The following ZNF341 variants were observed in gnomAD, a reference collection of about 807,000 sequenced individuals.
The protein encoded by ZNF341 is zinc finger protein 341.
Under a neutral mutation model 87.7 loss-of-function variants are expected in ZNF341, and 52 were observed. The observed-to-expected ratio is 0.59, with a 90% CI of 0.47 to 0.75. ZNF341 has a LOEUF of 0.75. Among genes scored for constraint, ZNF341 ranks in the 30% least tolerant of loss-of-function variants. The pLI, the probability that ZNF341 is intolerant of heterozygous loss-of-function variation, is 0.00. For synonymous variants in ZNF341, 459 were observed against 472.7 expected, an observed-to-expected ratio of 0.97 and a Z score of 0.38; for missense variants, 977 against 1,145.9, an observed-to-expected ratio of 0.85 and a Z score of 2.13.
At chr20:33,779,764 A>C (rs2019704332) in intron 10 of ZNF341, among the ~76,000 whole-genome samples, 1 of 152,164 alleles carries the variant, frequency 6.6e-6, no homozygotes, top group Admixed American at 6.6e-5. Context: ...TGACAATTGT[A>C]AGAATGAGTG....
intron 4 of ZNF341, chr20:33,752,483 C>T (rs2019080506): frequency 3.8e-6 from 2 of 527,558 alleles, no homozygotes; most frequent in African/African-American, 1.9e-5. Flanking sequence ...TCTCAGGTCA[C>T]CACCTCATTG....
intron 10 of ZNF341, among the ~76,000 whole-genome samples, chr20:33,773,379 G>A (rs1019941556): frequency 3.3e-5 from 5 of 152,146 alleles, no homozygotes; most frequent in Non-Finnish European, 5.9e-5. Context: ...GTAGACATTG[G>A]AGCTGTTGTC....
intron 1 of ZNF341, 38 bp from the exon 2 acceptor site, chr20:33,740,864 G>A: frequency 6.3e-7 from 1 of 1,586,118 alleles, no homozygotes; most frequent in Non-Finnish European, 8.7e-7. Flanking sequence ...GCATGATGCT[G>A]GGCCTACCTT....
rs771183385 is a variant in ZNF341, at chr20:33,791,193, C to G, written c.2241C>G (p.Pro747=). The change falls in exon 15 of 15, where the codon CCC becomes CCG. Residue 747 remains proline, a synonymous_variant. Coordinates refer to ENST00000375200, the MANE Select transcript of ZNF341 (RefSeq NM_001282933.2). The part of the protein sequence containing the change: ...KDKDLQTRRP[P]QRRAAPRSCG... Reference sequence around the variant, plus strand: ...AGGACCTGCAAACCCGGCGGCCCCCCCAGAGGAGGGCAGCCCCCCGCAGTT... The same window carrying G: ...AGGACCTGCAAACCCGGCGGCCCCCGCAGAGGAGGGCAGCCCCCCGCAGTT... The G allele has an allele frequency of 3.1e-6, 5 of 1,612,952 alleles. No homozygotes were observed. In the East Asian group the frequency reaches 6.7e-5, roughly 22 times the overall value.
At chr20:33,783,961 T>A in intron 12 of ZNF341, 97 bp downstream of exon 12, 1 of 1,236,556 alleles carries the variant, frequency 8.1e-7, no homozygotes, top group Non-Finnish European at 1.1e-6. Context: ...CATCTGGCTC[T>A]TCTCCCTGTC....
intron 7 of ZNF341, among the ~76,000 whole-genome samples, chr20:33,759,355 G>A (rs913776394): frequency 2.0e-5 from 3 of 152,176 alleles, no homozygotes; most frequent in Non-Finnish European, 2.9e-5. Flanking sequence ...TGCAATCTCG[G>A]CTCACTGCAA....
intron 7 of ZNF341, 54 bp downstream of exon 7, chr20:33,758,860 C>G (rs2019235571): frequency 4.0e-6 from 6 of 1,515,562 alleles, no homozygotes; most frequent in Non-Finnish European, 5.5e-6. Flanking sequence ...CTGGGACCAT[C>G]TGTGCTGGAA....
rs1797845984 is a variant in ZNF341 at position 33,753,188 on chromosome 20, A to G, written c.506A>G (p.His169Arg). The G allele has an allele frequency of 6.2e-7, 1 of 1,611,928 alleles. No individual in the cohort carries two copies. The highest frequency in any genetic ancestry group is 1.3e-5 in the African/African-American group (1 of 74,838). The change falls in exon 5 of 15, where the codon CAT (histidine) becomes CGT (arginine). Residue 169 changes from histidine (H) to arginine (R), a missense_variant. This residue lies in a region of ZNF341 where 515 missense variants were observed against 598.2 expected (regional missense o/e 0.86). Transcript: ENST00000375200. ...PPPVQSSLNM[H>R]SVPSYLTQPP... The stretch of plus-strand genomic sequence containing the variant: ...TGATTTCAGAGCAGCCTGAACATGC[A>G]TTCCGTGCCCAGCTACCTCACCCAG...
At chr20:33,771,797 C>A (rs1362641176) in intron 10 of ZNF341, among the ~76,000 whole-genome samples, 1 of 151,380 alleles carries the variant, frequency 6.6e-6, no homozygotes, top group Non-Finnish European at 1.5e-5. Flanking sequence ...GGGAGGATGG[C>A]TTGAGCCCAG....
intron 1 of ZNF341, among the ~76,000 whole-genome samples, chr20:33,733,415 T>G (rs1166961874): frequency 6.6e-6 from 1 of 151,828 alleles, no homozygotes; most frequent in African/African-American, 2.4e-5. Context: ...TTTTTTGTAT[T>G]TTAAGTAGAG....
At chr20:33,735,499 C>G (rs2018661938) in intron 1 of ZNF341, among the ~76,000 whole-genome samples, 1 of 152,046 alleles carries the variant, frequency 6.6e-6, no homozygotes, top group Admixed American at 6.6e-5. Context: ...TTTAAATTTT[C>G]TAGAGATGAG....
intron 1 of ZNF341, among the ~76,000 whole-genome samples, chr20:33,738,064 G>A (rs1177565456): frequency 6.6e-6 from 1 of 151,408 alleles, no homozygotes; most frequent in Non-Finnish European, 1.5e-5. Flanking sequence ...TTGAACCCGG[G>A]AGACAGAGGT....
intron 5 of ZNF341, among the ~76,000 whole-genome samples, chr20:33,755,711 G>A (rs966646292): frequency 2.0e-5 from 3 of 150,272 alleles, no homozygotes; most frequent in Non-Finnish European, 4.4e-5. Context: ...TCCCACCTCA[G>A]CCTCCTGAGT....
At chr20:33,789,127 G>A (rs1483437384) in intron 13 of ZNF341, among the ~76,000 whole-genome samples, 153 bp downstream of exon 13, 1 of 151,494 alleles carries the variant, frequency 6.6e-6, no homozygotes, top group Non-Finnish European at 1.5e-5. Context: ...CCAGGCTGGA[G>A]TGCAGTGGTA....
intron 5 of ZNF341, 146 bp downstream of exon 5, chr20:33,753,569 C>A: frequency 1.8e-6 from 2 of 1,086,654 alleles, no homozygotes; most frequent in South Asian, 3.5e-5. Flanking sequence ...ATGGGGTGTA[C>A]CACATCACAG....
chr20:33,791,266 G>A lies in ZNF341; in HGVS notation c.2314G>A (p.Gly772Arg). The A allele has an allele frequency of 2.5e-6, 4 of 1,611,874 alleles. No homozygotes were observed. In the Middle Eastern group the frequency reaches 6.6e-4, roughly 266 times the overall value. The change falls in exon 15 of 15, where the codon GGG (glycine) becomes AGG (arginine). Residue 772 changes from glycine (G) to arginine (R), a missense_variant. Physicochemically the swap from Gly to Arg is moderately radical, Grantham distance 125. Transcript: ENST00000375200. ...GCTGACCCCCTTGCCTGACCCGCTG[G>A]GGCTGGAGGAGCTGAAGGACACAGG... ...KVLTPLPDPLGLEELKDTGAG... is the reference protein window; with the variant it reads ...KVLTPLPDPLRLEELKDTGAG...
At chr20:33,734,152 G>C (rs2018633857) in intron 1 of ZNF341, among the ~76,000 whole-genome samples, 1 of 152,204 alleles carries the variant, frequency 6.6e-6, no homozygotes, top group South Asian at 2.1e-4. Context: ...TGGAGATCTA[G>C]GGGAGGAGGG....
chr20:33,758,687 A>G (rs1195998196), intron 6 of ZNF341, 29 bp from the exon 7 acceptor site: 1 of 1,598,732 alleles, frequency 6.3e-7, no homozygotes, highest in Non-Finnish European at 8.6e-7. Flanking sequence ...CCCCAGCCTC[A>G]TTGTCCCCTC....
At chr20:33,789,625 C>T (rs369303156) in intron 14 of ZNF341, 37 bp downstream of exon 14, 2 of 1,608,474 alleles carry the variant, frequency 1.2e-6, no homozygotes, top group African/African-American at 2.7e-5. Flanking sequence ...GGGTCTGGTT[C>T]AGCTCTAGTT....
Sources: allele counts gnomAD v4.1 joint callset (sites outside exome capture counted in the v4.1 genomes callset), GRCh38; gene constraint gnomAD v4.1.1; regional missense constraint gnomAD v4.1.1; transcripts MANE v1.5; gene names NCBI Gene and HGNC (gene_info 2026-07-23, HGNC 2026-07-21).